The following RANBP9 variants were observed in gnomAD, a reference collection of about 807,000 sequenced individuals.
RANBP9 encodes the protein ran-binding protein 9.
In RANBP9, 15 loss-of-function variants were observed where a neutral mutation model predicts 84.3. That is an observed-to-expected ratio of 0.18 (90% CI 0.12 to 0.27). The LOEUF is 0.27. RANBP9 is among the 10% of genes least tolerant of loss of function. The pLI is 1.00. For synonymous variants in RANBP9, 392 were observed against 349.6 expected (o/e 1.12, Z -1.35); for missense variants, 809 against 912.8 (o/e 0.89, Z 1.46).
At chr6:13,633,059 G>A (rs918145754) in intron 11 of RANBP9, among the ~76,000 whole-genome samples, 65 of 150,300 alleles carry the variant, frequency 4.3e-4, no homozygotes, top group African/African-American at 1.6e-3. Flanking sequence ...TTTGGATGGA[G>A]TCTCACACTC....
chr6:13,651,715 C>T (rs1187686640), intron 5 of RANBP9, among the ~76,000 whole-genome samples: 2 of 151,904 alleles, frequency 1.3e-5, no homozygotes, highest in Non-Finnish European at 2.9e-5. Flanking sequence ...TACTTTTCAA[C>T]TAAGCAATCA....
intron 2 of RANBP9, among the ~76,000 whole-genome samples, chr6:13,694,297 G>A (rs2075696472): frequency 6.6e-6 from 1 of 152,174 alleles, no homozygotes; most frequent in South Asian, 2.1e-4. Context: ...GCAAACTTTG[G>A]TTCACTTATC....
rs1334059774 is a variant in RANBP9, at chr6:13,637,837, T to C, written c.1644A>G (p.Ser548=). 1 of 1,600,642 alleles carries C rather than the reference T, an allele frequency of 6.2e-7. No homozygotes were observed. Among genetic ancestry groups the C allele is most frequent in the Admixed American group, 1.8e-5 (1 of 56,254 alleles). Residue 548 remains serine, a synonymous_variant, in exon 10 of 14, where the codon TCA becomes TCG. Transcript: ENST00000011619. ...TGAAGTTATTAACTTGCTGTGATCT[T>C]GACATATTTATACTGTTTAGTTCTG... ...NVPELNSINM[S]RSQQVNNFTS... is the part of the protein sequence containing the mutation.
chr6:13,659,242 CCACACACACACACATACACACA>C (rs1361830778), intron 2 of RANBP9, among the ~76,000 whole-genome samples: 1 of 105,766 alleles, frequency 9.5e-6, no homozygotes, highest in African/African-American at 3.2e-5. Flanking sequence ...AATTTAGACC[CCACACACACACACATACACACA>C]CACACACACA....
chr6:13,667,883 T>C (rs1235843926), intron 2 of RANBP9, among the ~76,000 whole-genome samples: 1 of 152,140 alleles, frequency 6.6e-6, no homozygotes, highest in Non-Finnish European at 1.5e-5. Context: ...TTTTTGTTAC[T>C]GTTGTCAAAA....
intron 13 of RANBP9, among the ~76,000 whole-genome samples, chr6:13,624,150 A>T (rs1764534638): frequency 6.6e-6 from 1 of 152,198 alleles, no homozygotes; most frequent in Non-Finnish European, 1.5e-5. Flanking sequence ...ACAAATCCTA[A>T]ATTCCGGAGA....
At chr6:13,698,938 C>G (rs1217070566) in intron 1 of RANBP9, among the ~76,000 whole-genome samples, 1 of 152,138 alleles carries the variant, frequency 6.6e-6, no homozygotes, top group Non-Finnish European at 1.5e-5. Flanking sequence ...CACATATCCC[C>G]ATGTCCTATT....
chr6:13,632,167 T>C (rs1347076442), intron 12 of RANBP9, among the ~76,000 whole-genome samples: 1 of 99,492 alleles, frequency 1.0e-5, no homozygotes, highest in African/African-American at 4.1e-5. Flanking sequence ...TTTTTTTTTT[T>C]GCTTTAGTCC....
At position 13,711,766 on chromosome 6, in the gene RANBP9, G is replaced by C. The variant is rs1758296436; in HGVS notation, c.-261C>G. Among the ~76,000 whole-genome samples, 1 of 147,278 alleles carries C rather than the reference G, an allele frequency of 6.8e-6. No individual in the cohort carries two copies. Among genetic ancestry groups the C allele is most frequent in the Non-Finnish European group, 1.5e-5 (1 of 66,238 alleles). On this transcript the variant is annotated 5_prime_UTR_variant, in exon 1 of 14. Transcript: ENST00000011619. ...CCCGGGGACGAGGCGCCGAGGGCGG[G>C]GGCGACGCGGGAGCGCGGGAGGGGA...
intron 1 of RANBP9, 35 bp downstream of exon 1, chr6:13,710,900 T>G: frequency 6.4e-7 from 1 of 1,562,348 alleles, no homozygotes; most frequent in Non-Finnish European, 8.7e-7. Context: ...GTCGGGTCAG[T>G]GCCCCACTCC....
chr6:13,687,374 G>C (rs1766214545), intron 2 of RANBP9, among the ~76,000 whole-genome samples: 1 of 151,904 alleles, frequency 6.6e-6, no homozygotes. Flanking sequence ...TGTAATCCCA[G>C]TACTTTGGGA....
intron 8 of RANBP9, among the ~76,000 whole-genome samples, chr6:13,640,362 T>A (rs927326969): frequency 2.1e-4 from 32 of 152,038 alleles, no homozygotes; most frequent in African/African-American, 7.5e-4. Context: ...TAAAAAAAAA[T>A]AGTTAAACAT....
intron 5 of RANBP9, among the ~76,000 whole-genome samples, chr6:13,652,027 T>C (rs1366457501): frequency 2.0e-5 from 3 of 152,166 alleles, no homozygotes; most frequent in Non-Finnish European, 4.4e-5. Flanking sequence ...CATATCCACT[T>C]GGCAGACTCC....
chr6:13,679,902 C>G (rs1400295642), intron 2 of RANBP9, among the ~76,000 whole-genome samples: 1 of 152,046 alleles, frequency 6.6e-6, no homozygotes, highest in Non-Finnish European at 1.5e-5. Context: ...CACAGGAAGT[C>G]TCCAATTTTT....
chr6:13,642,534 G>A lies in RANBP9; in HGVS notation c.1170C>T (p.Ala390=). The change falls in exon 7 of 14, where the codon GCC becomes GCT. Residue 390 remains alanine, a synonymous_variant. Transcript: ENST00000011619. ...CTAGAACGGTCTGGTCTGTAGATCT[G>A]GCAAAGGCCTCTGCTGTGGCACAGT... ...HGYCATAEAF[A]RSTDQTVLEE... 6.2e-7 allele frequency: 1 copy of A among 1,612,084 alleles called. No homozygotes were observed. Among genetic ancestry groups the A allele is most frequent in the Non-Finnish European group, 8.5e-7 (1 of 1,178,716 alleles).
intron 2 of RANBP9, among the ~76,000 whole-genome samples, chr6:13,691,035 G>T (rs1194911310): frequency 6.6e-6 from 1 of 151,688 alleles, no homozygotes; most frequent in African/African-American, 2.4e-5. Context: ...GGTGCGGTGG[G>T]GCATACCTGT....
intron 10 of RANBP9, among the ~76,000 whole-genome samples, chr6:13,637,193 C>T (rs1277180425): frequency 6.6e-6 from 1 of 152,074 alleles, no homozygotes; most frequent in Non-Finnish European, 1.5e-5. Context: ...TCTTTCAAAC[C>T]TCTTCAAAGT....
At position 13,705,113 on chromosome 6, in the gene RANBP9, A is replaced by G. The variant is rs750512435; in HGVS notation, c.571+5822T>C. Among the ~76,000 whole-genome samples the G allele has an allele frequency of 3.9e-5, 6 of 152,308 alleles. No homozygotes were observed. The South Asian group carries it at 6.2e-4, about 16-fold the overall frequency. On this transcript the variant is annotated intron_variant, in intron 1 of 13. Transcript: ENST00000011619. ...TAAATTGTCTAGTCTAGCAGAATATATATCATTAGGCTGGGTGCAGTGGTT... is the reference window on the plus strand; with the variant it reads ...TAAATTGTCTAGTCTAGCAGAATATGTATCATTAGGCTGGGTGCAGTGGTT...
chr6:13,623,514 G>A lies in RANBP9; in HGVS notation c.2060-1022C>T, dbSNP rs184997973. 1.4e-3 allele frequency among the ~76,000 whole-genome samples: 213 copies of A among 152,158 alleles called. 2 individuals carry two copies. The highest frequency in any genetic ancestry group is 6.3e-4 in the Non-Finnish European group (43 of 68,018). On this transcript the variant is annotated intron_variant, in intron 13 of 13. Coordinates refer to ENST00000011619, the MANE Select transcript of RANBP9 (RefSeq NM_005493.3). ...AAAACAGGATTAAGAATAAACGTGT[G>A]CAAAAAAGGGCACATAGATTGATGA...
Sources: allele counts gnomAD v4.1 joint callset (sites outside exome capture counted in the v4.1 genomes callset), GRCh38; gene constraint gnomAD v4.1.1; transcripts MANE v1.5; gene names NCBI Gene and HGNC (gene_info 2026-07-23, HGNC 2026-07-21).